BPIFB6: variants seen among roughly 807,000 people sequenced by gnomAD.
BPIFB6 encodes the protein BPI fold-containing family B member 6.
Under a neutral mutation model 54.7 loss-of-function variants are expected in BPIFB6, and 47 were observed. The observed-to-expected ratio is 0.86, with a 90% CI of 0.68 to 1.10. The LOEUF (loss-of-function observed/expected upper bound fraction) is 1.10. Among genes scored for constraint, BPIFB6 ranks in the 50% least tolerant of loss-of-function variants. The pLI, the probability that BPIFB6 is intolerant of heterozygous loss-of-function variation, is 0.00. For missense variants in BPIFB6, 603 were observed against 564.1 expected (o/e 1.07, Z -0.70); for synonymous variants, 255 against 225.9 (o/e 1.13, Z -1.16).
At chr20:33,034,961 C>A in intron 4 of BPIFB6, 49 bp downstream of exon 4, 1 of 1,604,568 alleles carries the variant, frequency 6.2e-7, no homozygotes, top group Non-Finnish European at 8.5e-7. Context: ...ATTGCTATAC[C>A]CCCCAGCATA....
chr20:33,033,695 T>C (rs751579173), intron 2 of BPIFB6: 2 of 454,970 alleles, frequency 4.4e-6, no homozygotes, highest in Non-Finnish European at 8.9e-6. Context: ...AAGAAGACAT[T>C]TGGCAATGTC....
chr20:33,032,506 G>T (rs1010894400), intron 1 of BPIFB6, among the ~76,000 whole-genome samples: 1 of 152,058 alleles, frequency 6.6e-6, no homozygotes, highest in African/African-American at 2.4e-5. Context: ...GATAAAGTCA[G>T]TACCCTAGGG....
intron 1 of BPIFB6, among the ~76,000 whole-genome samples, chr20:33,032,475 T>A (rs1388252863): frequency 6.6e-6 from 1 of 152,134 alleles, no homozygotes; most frequent in East Asian, 1.9e-4. Flanking sequence ...TCACCTAGGC[T>A]TGGGAGTGGC....
In BPIFB6 at chr20:33,036,672, C is replaced by T; in HGVS notation, c.669+136C>T. ...GCCCCTCAAGCCGTGGAGGCCAATGCCATGTGGGTGTTTGTGGACCCTGGG... is the reference window on the plus strand; with the variant it reads ...GCCCCTCAAGCCGTGGAGGCCAATGTCATGTGGGTGTTTGTGGACCCTGGG... On this transcript the variant is annotated intron_variant, in intron 7 of 14. Transcript: ENST00000349552. The T allele has an allele frequency of 6.2e-6, 5 of 808,932 alleles. No homozygotes were observed. In the South Asian group the frequency reaches 7.4e-5, roughly 12 times the overall value. The allele number at this position is 808,932 out of a possible 1,614,324, so 50.1% of individuals were successfully genotyped here. A position where few individuals can be genotyped will look rare whatever the true frequency, so the allele number is the denominator to read the frequency against.
rs376078530 is a variant in BPIFB6 at position 33,039,544 on chromosome 20, C to A, written c.1074+24C>A. ...TGGTGAGGGAAATCGTTCCCTTCCC[C>A]ATTTATTCCCAATCTCTTGGATATT... On this transcript the variant is annotated intron_variant, in intron 10 of 14. Transcript: ENST00000349552. 29 of 1,585,820 alleles carry A rather than the reference C, an allele frequency of 1.8e-5. No individual in the cohort carries two copies. The African/African-American group carries it at 3.7e-4, about 20-fold the overall frequency.
At chr20:33,043,687 C>T (rs1979687347) in intron 14 of BPIFB6, among the ~76,000 whole-genome samples, 1 of 152,216 alleles carries the variant, frequency 6.6e-6, no homozygotes, top group South Asian at 2.1e-4. Context: ...TCACTAAGAT[C>T]ATTTACCTAA....
chr20:33,034,094 C>T (rs925384661), intron 2 of BPIFB6, 92 bp from the exon 3 acceptor site: 52 of 892,462 alleles, frequency 5.8e-5, no homozygotes, highest in Non-Finnish European at 9.0e-5. Context: ...CCGGGGTTAT[C>T]GAAAGTCTTC....
At chr20:33,034,945 G>A in intron 4 of BPIFB6, 33 bp downstream of exon 4, 3 of 1,605,256 alleles carry the variant, frequency 1.9e-6, no homozygotes, top group Non-Finnish European at 1.7e-6. Context: ...AGGAAGGCCG[G>A]TCCATATTGC....
intron 14 of BPIFB6, among the ~76,000 whole-genome samples, 157 bp from the exon 15 acceptor site, chr20:33,043,858 T>C (rs1438439074): frequency 6.6e-6 from 1 of 152,078 alleles, no homozygotes. Flanking sequence ...GTAAGAGAGG[T>C]GAAGTGACCT....
At chr20:33,031,840 C>A in intron 1 of BPIFB6, 96 bp downstream of exon 1, 1 of 941,692 alleles carries the variant, frequency 1.1e-6, no homozygotes, top group Non-Finnish European at 1.7e-6. Context: ...CTGGAGCATC[C>A]CGTGAGCTCC....
chr20:33,034,598 G>T (rs539252718), intron 3 of BPIFB6, among the ~76,000 whole-genome samples, 165 bp from the exon 4 acceptor site: 5 of 152,302 alleles, frequency 3.3e-5, no homozygotes, highest in African/African-American at 1.2e-4. Flanking sequence ...AGGGAGAAAA[G>T]CTGGTTGTGT....
chr20:33,040,227 C>T (rs779456990), intron 10 of BPIFB6, 24 bp from the exon 11 acceptor site: 7 of 1,611,986 alleles, frequency 4.3e-6, no homozygotes, highest in South Asian at 1.1e-5. Context: ...CTGCCTTCTC[C>T]CTGCTTCCTC....
In BPIFB6 at chr20:33,033,166, G is replaced by A. The variant is rs531743840; in HGVS notation, c.197+83G>A. 3.4e-5 allele frequency: 36 copies of A among 1,051,758 alleles called. No individual in the cohort carries two copies. The Middle Eastern group carries it at 2.4e-3, about 71-fold the overall frequency. 65.2% of individuals were successfully genotyped at this position (1,051,758 alleles called of 1,614,324 possible). On this transcript the variant is annotated intron_variant, in intron 2 of 14. Transcript: ENST00000349552. ...CTGTGCCCAAGATCTTAGCAGGCCA[G>A]GTAATGGAGCTGGTGAGGGATGTGG...
chr20:33,040,422 A>G, intron 11 of BPIFB6, 104 bp downstream of exon 11: 1 of 1,053,214 alleles, frequency 9.5e-7, no homozygotes, highest in Non-Finnish European at 1.4e-6. Context: ...GCACACCCCC[A>G]ACTACCAGGC....
chr20:33,037,444 T>C, intron 7 of BPIFB6, 118 bp from the exon 8 acceptor site: 2 of 1,001,024 alleles, frequency 2.0e-6, no homozygotes, highest in South Asian at 3.3e-5. Context: ...CTTAATAAGA[T>C]TTAATGATTT....
chr20:33,037,412 C>A, intron 7 of BPIFB6, 150 bp from the exon 8 acceptor site: 2 of 757,780 alleles, frequency 2.6e-6, no homozygotes, highest in Non-Finnish European at 4.1e-6. Context: ...AGGTTTGGCC[C>A]ACTGTAGCCC....
At chr20:33,033,636 T>C (rs946598049) in intron 2 of BPIFB6, 7 of 456,718 alleles carry the variant, frequency 1.5e-5, no homozygotes, top group African/African-American at 1.4e-4. Context: ...CATCTTTTGT[T>C]ACCCTGGATC....
At chr20:33,033,129 T>C (rs1382968532) in intron 2 of BPIFB6, 46 bp downstream of exon 2, 2 of 1,417,946 alleles carry the variant, frequency 1.4e-6, no homozygotes, top group Non-Finnish European at 1.0e-6. Flanking sequence ...GGGCAGAGGG[T>C]GGTGGGGATT....
Position 33,037,551 on chromosome 20 carries a change from C to G in BPIFB6, c.670-11C>G. 6.3e-7 allele frequency: 1 copy of G among 1,597,654 alleles called. No individual in the cohort carries two copies. The highest frequency in any genetic ancestry group is 8.6e-7 in the Non-Finnish European group (1 of 1,168,726). ...GCCAAGGCTGAGTGTCTCCCTCCTG[C>G]TGCCCCATAGCCTGTGGTGCAGCAG... On this transcript the variant is annotated splice_polypyrimidine_tract_variant and intron_variant, in intron 7 of 14. Transcript: ENST00000349552.
Sources: gnomAD v4.1 joint callset for allele counts (sites outside exome capture counted in the v4.1 genomes callset) on GRCh38, gnomAD v4.1.1 for gene constraint, MANE v1.5 for transcripts, NCBI Gene and HGNC (gene_info 2026-07-23, HGNC 2026-07-21) for gene names.